EMCN: variants seen among roughly 807,000 people sequenced by gnomAD.
EMCN encodes the protein endomucin.
A neutral mutation model predicts 38.4 loss-of-function variants in EMCN; 37 were observed. That is an observed-to-expected ratio of 0.96 (90% confidence interval 0.74 to 1.27). The LOEUF (loss-of-function observed/expected upper bound fraction) is 1.27, where lower values mean the gene tolerates loss of function less well. Ranked by LOEUF, EMCN falls within the 50% of genes most tolerant of loss-of-function variation. EMCN has a pLI of 0.00. For synonymous variants in EMCN, 95 were observed against 100.8 expected, an observed-to-expected ratio of 0.94 and a Z score of 0.35; for missense variants, 318 against 302.8, an observed-to-expected ratio of 1.05 and a Z score of -0.37.
At chr4:100,425,689 C>G (rs1188171011) in intron 5 of EMCN, among the ~76,000 whole-genome samples, 1 of 151,406 alleles carries the variant, frequency 6.6e-6, no homozygotes, top group Admixed American at 6.6e-5. Flanking sequence ...TAATAATGTT[C>G]TATTCTTATA....
chr4:100,473,597 C>T (rs1360967173), intron 3 of EMCN, among the ~76,000 whole-genome samples: 1 of 151,728 alleles, frequency 6.6e-6, no homozygotes, highest in Admixed American at 6.6e-5. Flanking sequence ...AGAAGTTTTG[C>T]AAAGGAAAAG....
intron 5 of EMCN, among the ~76,000 whole-genome samples, chr4:100,430,965 T>C (rs1236742229): frequency 6.6e-6 from 1 of 152,198 alleles, no homozygotes; most frequent in Non-Finnish European, 1.5e-5. Context: ...GATTCTGTCA[T>C]TCAAAGTTAG....
intron 11 of EMCN, among the ~76,000 whole-genome samples, chr4:100,409,461 C>T (rs531874680): frequency 5.3e-5 from 8 of 152,272 alleles, no homozygotes; most frequent in Admixed American, 2.6e-4. Context: ...AAATAAGAAA[C>T]GTACCTGCCT....
At chr4:100,487,970 A>G (rs554601282) in intron 1 of EMCN, among the ~76,000 whole-genome samples, 28 of 152,336 alleles carry the variant, frequency 1.8e-4, no homozygotes, top group Non-Finnish European at 3.2e-4. Context: ...GGAGACAAGG[A>G]GAGTCTCACT....
intron 3 of EMCN, chr4:100,474,184 T>G (rs890900990): frequency 3.3e-5 from 5 of 152,180 alleles, no homozygotes; most frequent in African/African-American, 9.6e-5. Flanking sequence ...AATAGCCAAA[T>G]TTTTAAAAAG....
chr4:100,499,613 G>A (rs997120904), intron 1 of EMCN, among the ~76,000 whole-genome samples: 1 of 152,268 alleles, frequency 6.6e-6, no homozygotes, highest in Non-Finnish European at 1.5e-5. Flanking sequence ...AGCATTGTAA[G>A]CAAGCTTCAG....
At chr4:100,461,353 G>A (rs963699829) in intron 4 of EMCN, among the ~76,000 whole-genome samples, 1 of 151,928 alleles carries the variant, frequency 6.6e-6, no homozygotes, top group East Asian at 1.9e-4. Flanking sequence ...GAGTATCACT[G>A]ATATTGAATT....
chr4:100,452,029 G>T (rs966501950), intron 4 of EMCN, among the ~76,000 whole-genome samples: 2 of 151,890 alleles, frequency 1.3e-5, no homozygotes, highest in South Asian at 4.2e-4. Context: ...TAAGCAATCA[G>T]ACATCATAAT....
At chr4:100,503,456 T>C (rs865857132) in intron 1 of EMCN, among the ~76,000 whole-genome samples, 1 of 152,244 alleles carries the variant, frequency 6.6e-6, no homozygotes. Context: ...GTTTCTGCTC[T>C]CTTGATTAGT....
chr4:100,426,294 G>A (rs1258242832), intron 5 of EMCN, among the ~76,000 whole-genome samples: 1 of 152,082 alleles, frequency 6.6e-6, no homozygotes, highest in African/African-American at 2.4e-5. Flanking sequence ...TCTCTCTAAG[G>A]CTGCTCCCAG....
At chr4:100,438,057 C>T (rs1727406222) in intron 5 of EMCN, among the ~76,000 whole-genome samples, 1 of 151,558 alleles carries the variant, frequency 6.6e-6, no homozygotes, top group Non-Finnish European at 1.5e-5. Flanking sequence ...TTTCTGTCTC[C>T]TTCAAATTCT....
chr4:100,504,302 A>T (rs959294), intron 1 of EMCN, among the ~76,000 whole-genome samples: 1 of 152,018 alleles, frequency 6.6e-6, no homozygotes. Context: ...AGCTGCCTAA[A>T]TGCCTTGATG....
At chr4:100,516,058 C>T (rs1407171243) in intron 1 of EMCN, among the ~76,000 whole-genome samples, 1 of 152,022 alleles carries the variant, frequency 6.6e-6, no homozygotes, top group East Asian at 1.9e-4. Context: ...TGTTGGCTGA[C>T]TTGAAGGAGA....
At chr4:100,490,048 G>T (rs1486243609) in intron 1 of EMCN, among the ~76,000 whole-genome samples, 3 of 152,190 alleles carry the variant, frequency 2.0e-5, no homozygotes, top group Admixed American at 2.0e-4. Context: ...GAATGTTATT[G>T]CCCTTGAAGA....
In EMCN at chr4:100,414,348, CTTTTTTTT is replaced by C. The variant is rs5860622; in HGVS notation, c.751+1542_751+1549del. Among the ~76,000 whole-genome samples, 87 of 59,798 alleles carry C rather than the reference CTTTTTTTT, an allele frequency of 1.5e-3. 1 individual carries two copies. The highest frequency in any genetic ancestry group is 9.2e-3 in the East Asian group (30 of 3,264). 39.2% of individuals were successfully genotyped at this position (59,798 alleles called of 152,430 possible). ...TGGTTCACATTAGGCTGCTTGAGCA[CTTTTTTTT>C]TTTTTTTTTTTTTTTTTTTTTGCCC... On this transcript the variant is annotated intron_variant, in intron 10 of 11. Transcript: ENST00000296420.
intron 1 of EMCN, among the ~76,000 whole-genome samples, chr4:100,504,383 C>T (rs1203102035): frequency 6.6e-6 from 1 of 152,116 alleles, no homozygotes; most frequent in East Asian, 1.9e-4. Flanking sequence ...GGCGCTGAGG[C>T]AAGAGACCGA....
In EMCN at chr4:100,411,877, G is replaced by A. The variant is rs532296967; in HGVS notation, c.752-1522C>T. 2.0e-5 allele frequency among the ~76,000 whole-genome samples: 3 copies of A among 152,184 alleles called. No homozygotes were observed. The East Asian group carries it at 5.8e-4, about 29-fold the overall frequency. ...TGCAGAGAATGAGACAAATATTGAC[G>A]GGCTGCGGACAGAAGAGGATTCTAT... On this transcript the variant is annotated intron_variant, in intron 10 of 11. Coordinates refer to ENST00000296420, the MANE Select transcript of EMCN (RefSeq NM_016242.4).
At chr4:100,403,519 T>C (rs756906243) in intron 11 of EMCN, among the ~76,000 whole-genome samples, 12 of 151,688 alleles carry the variant, frequency 7.9e-5, no homozygotes, top group Non-Finnish European at 1.6e-4. Flanking sequence ...TTATTGTAAA[T>C]AGTGCTGTGA....
intron 2 of EMCN, among the ~76,000 whole-genome samples, chr4:100,475,860 T>G (rs1728633220): frequency 6.6e-6 from 1 of 151,710 alleles, no homozygotes; most frequent in South Asian, 2.1e-4. Flanking sequence ...TTGTATTTTT[T>G]GTTGGTAGAG....
Sources: allele counts gnomAD v4.1 joint callset (sites outside exome capture counted in the v4.1 genomes callset), GRCh38; gene constraint gnomAD v4.1.1; transcripts MANE v1.5; gene names NCBI Gene and HGNC (gene_info 2026-07-23, HGNC 2026-07-21).